Variants in METTL9 observed in about 807,000 individuals in gnomAD.
METTL9 encodes protein-L-histidine N-pros-methyltransferase.
Under a neutral mutation model 36.0 loss-of-function variants are expected in METTL9, and 10 were observed. The observed-to-expected ratio is 0.28, with a 90% CI of 0.17 to 0.47. The LOEUF is 0.47. Ranked by LOEUF, METTL9 falls within the 20% of genes least tolerant of loss-of-function variation. The probability of loss-of-function intolerance (pLI) is 0.99; values close to 1 mark genes in which losing one functional copy is unlikely to be tolerated. For missense variants in METTL9, 246 were observed against 383.5 expected (o/e 0.64, Z 3.00); for synonymous variants, 175 against 149.7 (o/e 1.17, Z -1.23).
chr16:21,641,454 C>T lies in METTL9; in HGVS notation c.752-13773C>T. The T allele has an allele frequency of 7.2e-6, 5 of 698,226 alleles. No homozygotes were observed. In the South Asian group the frequency reaches 1.1e-4, roughly 15 times the overall value. The allele number at this position is 698,226 out of a possible 1,614,324, so 43.3% of individuals were successfully genotyped here. On this transcript the variant is annotated intron_variant, in intron 4 of 4. Transcript: ENST00000358154. ...AGTTTACCTTTATTTTTTTTTAAGA[C>T]CTGATGATATATGTTCATTAACACT...
intron 3 of METTL9, among the ~76,000 whole-genome samples, chr16:21,623,276 A>G (rs528007892): frequency 2.6e-5 from 4 of 152,334 alleles, no homozygotes; most frequent in African/African-American, 7.2e-5. Flanking sequence ...TAGTTTGACA[A>G]AAATATAGAT....
chr16:21,631,257 A>C (rs1965953571), intron 4 of METTL9, among the ~76,000 whole-genome samples: 1 of 152,184 alleles, frequency 6.6e-6, no homozygotes, highest in Admixed American at 6.5e-5. Context: ...TTGAGCTTTG[A>C]AGAGTATTGA....
At chr16:21,639,168 G>A (rs1240795370) in intron 4 of METTL9, among the ~76,000 whole-genome samples, 1 of 152,152 alleles carries the variant, frequency 6.6e-6, no homozygotes, top group Non-Finnish European at 1.5e-5. Flanking sequence ...TGAATACTGT[G>A]TATACACCAG....
At chr16:21,637,489 C>T (rs1966130894) in intron 4 of METTL9, among the ~76,000 whole-genome samples, 1 of 152,246 alleles carries the variant, frequency 6.6e-6, no homozygotes, top group Admixed American at 6.5e-5. Flanking sequence ...AAACCTTTAG[C>T]TAGACAGAAA....
At chr16:21,615,207 C>T (rs1965523403) in intron 2 of METTL9, among the ~76,000 whole-genome samples, 1 of 152,008 alleles carries the variant, frequency 6.6e-6, no homozygotes, top group Non-Finnish European at 1.5e-5. Context: ...TAGGACAATG[C>T]TTCCCCTCTT....
At chr16:21,640,177 A>C (rs1418254597) in intron 4 of METTL9, 1 of 151,770 alleles carries the variant, frequency 6.6e-6, no homozygotes, top group African/African-American at 2.4e-5. Context: ...TGATCTCATG[A>C]TTCACCTGCC....
intron 4 of METTL9, among the ~76,000 whole-genome samples, chr16:21,626,444 G>GATTTAATGCT (rs1443667086): frequency 2.0e-5 from 3 of 152,082 alleles, no homozygotes; most frequent in Non-Finnish European, 4.4e-5. Flanking sequence ...CCAGATCTTA[G>GATTTAATGCT]TGCCTTCAGA....
intron 4 of METTL9, among the ~76,000 whole-genome samples, chr16:21,634,230 A>G (rs1966029983): frequency 6.6e-6 from 1 of 152,174 alleles, no homozygotes; most frequent in Admixed American, 6.5e-5. Context: ...GAGGAAGTCA[A>G]TCCTGGCACT....
At chr16:21,599,132 C>A (rs1378141382), upstream of METTL9, among the ~76,000 whole-genome samples, 1 of 152,100 alleles carries the variant, frequency 6.6e-6, no homozygotes, top group African/African-American at 2.4e-5. This position sits in a 1 kb window ranked among gnomAD's most constrained non-coding sequence, Gnocchi z 4.4. Flanking sequence ...CCCCTCTTTG[C>A]GCCCCCGGGG....
At position 21,606,332 on chromosome 16, in the gene METTL9, G is replaced by A. The variant is rs1436302306; in HGVS notation, c.166-6313G>A. Among the ~76,000 whole-genome samples, 7 of 151,970 alleles carry A rather than the reference G, an allele frequency of 4.6e-5. No homozygotes were observed. The East Asian group carries it at 5.8e-4, about 13-fold the overall frequency. ...AGCCTGAGCGACAGAGCGAGACTCC[G>A]TCTCAAAATAATAATAATAATAATA... On this transcript the variant is annotated intron_variant, in intron 1 of 4. Coordinates refer to ENST00000358154, the MANE Select transcript of METTL9 (RefSeq NM_016025.5).
At chr16:21,614,005 T>C (rs1176932100) in intron 2 of METTL9, among the ~76,000 whole-genome samples, 1 of 152,168 alleles carries the variant, frequency 6.6e-6, no homozygotes, top group Admixed American at 6.5e-5. Context: ...TGGAGCAGTT[T>C]CTACTGACTG....
At chr16:21,641,250 C>G in intron 4 of METTL9, 1 of 224,128 alleles carries the variant, frequency 4.5e-6, no homozygotes, top group South Asian at 1.1e-4. Flanking sequence ...GCAGTCATCA[C>G]ACATCTCATG....
chr16:21,636,617 G>A (rs572555740), intron 4 of METTL9, among the ~76,000 whole-genome samples: 3 of 152,296 alleles, frequency 2.0e-5, no homozygotes, highest in East Asian at 3.9e-4. Flanking sequence ...TTGGGACCCC[G>A]GAGCTGAATG....
At chr16:21,643,274 A>T (rs1966326900) in intron 4 of METTL9, 1 of 730,470 alleles carries the variant, frequency 1.4e-6, no homozygotes, top group African/African-American at 1.8e-5. Context: ...CCCTCCCCCA[A>T]CACATATGTG....
chr16:21,655,397 C>T lies in METTL9; in HGVS notation c.922C>T (p.Leu308=). The stretch of plus-strand genomic sequence containing the variant: ...CGACATGTATAATGACTACTACGTT[C>T]TGGATGACGCTGTCTTTGTTCTCAA... ...EGDMYNDYYV[L]DDAVFVLKPV The change falls in exon 5 of 5, where the codon CTG becomes TTG. Residue 308 remains leucine, a synonymous_variant. Transcript: ENST00000358154. The T allele has an allele frequency of 6.2e-7, 1 of 1,614,166 alleles. No homozygotes were observed. Among genetic ancestry groups the T allele is most frequent in the Non-Finnish European group, 8.5e-7 (1 of 1,180,006 alleles).
chr16:21,617,678 G>A (rs983475299), intron 2 of METTL9, among the ~76,000 whole-genome samples, 187 bp from the exon 3 acceptor site: 4 of 151,700 alleles, frequency 2.6e-5, no homozygotes, highest in Non-Finnish European at 2.9e-5. Context: ...GCAGTGAGCC[G>A]AGATCATGCC....
intron 4 of METTL9, among the ~76,000 whole-genome samples, chr16:21,649,816 C>A (rs529123457): frequency 2.6e-5 from 4 of 152,134 alleles, no homozygotes; most frequent in Non-Finnish European, 5.9e-5. Flanking sequence ...TCAAGCAATC[C>A]TCTCACTGCA....
chr16:21,643,048 A>G lies in METTL9; in HGVS notation c.752-12179A>G, dbSNP rs1454372. On this transcript the variant is annotated intron_variant, in intron 4 of 4. Coordinates refer to ENST00000358154, the MANE Select transcript of METTL9 (RefSeq NM_016025.5). ...AAACGTGCTTTATATCTGTATTTAC[A>G]TTTTTTTTTGACATTTTACACTTAC... 50 of 1,458,396 alleles carry G rather than the reference A, an allele frequency of 3.4e-5. 1 individual carries two copies. Among genetic ancestry groups the G allele is most frequent in the Admixed American group, 1.2e-4 (7 of 57,532 alleles). The allele number at this position is 1,458,396 out of a possible 1,614,324, so 90.3% of individuals were successfully genotyped here. A position where few individuals can be genotyped will look rare whatever the true frequency, so the allele number is the denominator to read the frequency against.
At chr16:21,647,576 G>C in intron 4 of METTL9, 1 of 1,484,370 alleles carries the variant, frequency 6.7e-7, no homozygotes, top group South Asian at 1.3e-5. Context: ...AGGAAACCCA[G>C]CCATTCTGTT....
Sources: allele counts gnomAD v4.1 joint callset (sites outside exome capture counted in the v4.1 genomes callset), GRCh38; gene constraint gnomAD v4.1.1; non-coding constraint Gnocchi (gnomAD v3.1); transcripts MANE v1.5; gene names NCBI Gene and HGNC (gene_info 2026-07-23, HGNC 2026-07-21).